The following ZPBP variants were observed in gnomAD, a reference collection of about 807,000 sequenced individuals.
The protein encoded by ZPBP is zona pellucida binding protein.
Under a neutral mutation model 44.8 loss-of-function variants are expected in ZPBP, and 26 were observed. That is an observed-to-expected ratio of 0.58 (90% CI 0.43 to 0.81). The LOEUF (loss-of-function observed/expected upper bound fraction) is 0.81, where lower values mean the gene tolerates loss of function less well. Among genes scored for constraint, ZPBP ranks in the 30% least tolerant of loss-of-function variants. The pLI is 0.00. For synonymous variants in ZPBP, 174 were observed against 153.2 expected, an observed-to-expected ratio of 1.14 and a Z score of -1.00; for missense variants, 409 against 434.0, an observed-to-expected ratio of 0.94 and a Z score of 0.51.
At chr7:49,934,538 A>G (rs569872132), downstream of ZPBP, among the ~76,000 whole-genome samples, 1 of 152,256 alleles carries the variant, frequency 6.6e-6, no homozygotes, top group East Asian at 1.9e-4. Flanking sequence ...TACAATATGG[A>G]TAACAATTGT....
intron 2 of ZPBP, among the ~76,000 whole-genome samples, chr7:49,863,359 G>T (rs1790739721): frequency 6.6e-6 from 1 of 152,082 alleles, no homozygotes; most frequent in Admixed American, 6.6e-5. Flanking sequence ...CGCCACTCCA[G>T]CTAAAGATTT....
chr7:49,985,559 T>C (rs1223141566), intron 6 of ZPBP, among the ~76,000 whole-genome samples: 2 of 150,084 alleles, frequency 1.3e-5, no homozygotes, highest in Admixed American at 1.3e-4. Flanking sequence ...TTTGAGACTA[T>C]AATTAAAAGT....
intron 6 of ZPBP, among the ~76,000 whole-genome samples, chr7:49,985,111 G>C (rs1042433081): frequency 6.6e-6 from 1 of 152,214 alleles, no homozygotes; most frequent in African/African-American, 2.4e-5. Context: ...ACCCTGTCCA[G>C]CGTTGGTTCC....
chr7:49,940,774 G>T (rs538647037), intron 7 of ZPBP: 9 of 985,050 alleles, frequency 9.1e-6, no homozygotes, highest in Non-Finnish European at 1.1e-5. Flanking sequence ...ACAACTGAGA[G>T]AACAGAGCAG....
chr7:49,893,811 C>A (rs1792249129), intron 2 of ZPBP, among the ~76,000 whole-genome samples: 2 of 152,064 alleles, frequency 1.3e-5, no homozygotes, highest in Non-Finnish European at 2.9e-5. Flanking sequence ...CAATAAGTTA[C>A]AGAAAAAGCA....
At chr7:50,010,924 A>C (rs1461664152) in intron 6 of ZPBP, among the ~76,000 whole-genome samples, 2 of 151,408 alleles carry the variant, frequency 1.3e-5, no homozygotes, top group Admixed American at 6.6e-5. Flanking sequence ...AAAAAAAAAA[A>C]AAAACAAATC....
chr7:49,975,849 G>A (rs1796488072), intron 7 of ZPBP, among the ~76,000 whole-genome samples: 1 of 152,156 alleles, frequency 6.6e-6, no homozygotes, highest in Non-Finnish European at 1.5e-5. Flanking sequence ...CATGCATACT[G>A]AATTTAAATT....
At chr7:50,081,979 G>A in intron 2 of ZPBP, 80 bp from the exon 3 acceptor site, 1 of 1,511,222 alleles carries the variant, frequency 6.6e-7, no homozygotes, top group Admixed American at 1.8e-5. Flanking sequence ...TTGTAGTTTG[G>A]GTTACATGCA....
intron 3 of ZPBP, among the ~76,000 whole-genome samples, chr7:50,067,571 T>G (rs1164354644): frequency 6.6e-6 from 1 of 152,156 alleles, no homozygotes; most frequent in Non-Finnish European, 1.5e-5. Context: ...TGAAACTGCT[T>G]CTATCAGTAA....
chr7:50,066,058 A>G (rs1412456156), intron 3 of ZPBP, among the ~76,000 whole-genome samples: 2 of 151,172 alleles, frequency 1.3e-5, no homozygotes, highest in East Asian at 1.9e-4. Context: ...TGAATGTTAC[A>G]GTCTGGGCAT....
intron 5 of ZPBP, among the ~76,000 whole-genome samples, chr7:50,028,623 A>G (rs578026663): frequency 2.6e-5 from 4 of 152,062 alleles, no homozygotes; most frequent in Non-Finnish European, 5.9e-5. Context: ...ATTAGAGCTA[A>G]TAAAGGAATT....
chr7:50,026,497 A>G (rs1346287440), intron 5 of ZPBP, among the ~76,000 whole-genome samples: 1 of 151,986 alleles, frequency 6.6e-6, no homozygotes, highest in African/African-American at 2.4e-5. Context: ...CACATGAAAC[A>G]TTCCTCCAGG....
chr7:50,019,371 T>G (rs1482673738), intron 5 of ZPBP, among the ~76,000 whole-genome samples: 4 of 152,154 alleles, frequency 2.6e-5, no homozygotes, highest in African/African-American at 9.6e-5. Context: ...TAATTTTTCA[T>G]GGGCCTCCTT....
chr7:49,975,875 A>G (rs1277783617), intron 7 of ZPBP, among the ~76,000 whole-genome samples: 2 of 152,196 alleles, frequency 1.3e-5, no homozygotes, highest in African/African-American at 4.8e-5. Context: ...TTTCAGTGAA[A>G]TATTTTTTGT....
intron 2 of ZPBP, among the ~76,000 whole-genome samples, chr7:50,085,652 CT>C (rs1423136937): frequency 6.6e-6 from 1 of 152,118 alleles, no homozygotes; most frequent in Non-Finnish European, 1.5e-5. Flanking sequence ...CTGATTTGGA[CT>C]TTGCCTACTG....
chr7:50,091,083 CAT>C (rs1280105252), intron 1 of ZPBP, among the ~76,000 whole-genome samples: 2 of 151,482 alleles, frequency 1.3e-5, no homozygotes, highest in East Asian at 1.9e-4. Flanking sequence ...AGCATTTTTT[CAT>C]ATGTTTGTTG....
intron 3 of ZPBP, among the ~76,000 whole-genome samples, chr7:50,072,730 A>G (rs1349539121): frequency 6.6e-6 from 1 of 152,268 alleles, no homozygotes; most frequent in Non-Finnish European, 1.5e-5. Context: ...GTACAAGACC[A>G]TCAAGGTAAT....
chr7:49,948,212 A>T (rs1795185252), intron 7 of ZPBP, among the ~76,000 whole-genome samples: 1 of 152,166 alleles, frequency 6.6e-6, no homozygotes, highest in African/African-American at 2.4e-5. Flanking sequence ...ATCCAAGCTA[A>T]TGCTTGATTC....
intron 3 of ZPBP, among the ~76,000 whole-genome samples, chr7:50,059,465 G>T (rs146508200): frequency 6.6e-6 from 1 of 152,102 alleles, no homozygotes; most frequent in African/African-American, 2.4e-5. Flanking sequence ...TAGAATACAT[G>T]TCTATTGTAA....
Sources: gnomAD v4.1 joint callset for allele counts (sites outside exome capture counted in the v4.1 genomes callset) on GRCh38, gnomAD v4.1.1 for gene constraint, MANE v1.5 for transcripts, NCBI Gene and HGNC (gene_info 2026-07-23, HGNC 2026-07-21) for gene names.